Variants in SLIT2 observed in about 807,000 individuals in gnomAD.
SLIT2 encodes slit homolog 2 protein.
In SLIT2, 41 loss-of-function variants were observed where a neutral mutation model predicts 185.7. That is an observed-to-expected ratio of 0.22 (90% CI 0.17 to 0.29). SLIT2 has a LOEUF of 0.29. SLIT2 is among the 10% of genes least tolerant of loss of function. The probability of loss-of-function intolerance (pLI) is 1.00; values close to 1 mark genes in which losing one functional copy is unlikely to be tolerated. For missense variants in SLIT2, 1,571 were observed against 1,909.0 expected (o/e 0.82, Z 3.30); for synonymous variants, 693 against 680.2 (o/e 1.02, Z -0.29).
intron 3 of SLIT2, among the ~76,000 whole-genome samples, 166 bp from the exon 4 acceptor site, chr4:20,268,644 A>G (rs1713286041): frequency 6.6e-6 from 1 of 151,948 alleles, no homozygotes; most frequent in Admixed American, 6.6e-5. Context: ...GTAAAGAGTC[A>G]TGTAACAAAA....
rs1042582200 is a variant in SLIT2 at position 20,517,518 on chromosome 4, G to A, written c.1059-1864G>A. Among the ~76,000 whole-genome samples the A allele has an allele frequency of 3.9e-4, 58 of 149,390 alleles. 1 individual carries two copies. Among genetic ancestry groups the A allele is most frequent in the African/African-American group, 1.4e-3 (56 of 38,972 alleles). ...CTAATTCCCTTTCTACCTTGTTCTG[G>A]ACAATATAGAATCCTCTCTTTTGTT... On this transcript the variant is annotated intron_variant, in intron 11 of 36. Coordinates refer to ENST00000504154, the MANE Select transcript of SLIT2 (RefSeq NM_004787.4).
At chr4:20,293,924 T>G (rs1391539969) in intron 4 of SLIT2, among the ~76,000 whole-genome samples, 9 of 152,182 alleles carry the variant, frequency 5.9e-5, no homozygotes, top group Middle Eastern at 3.4e-3. Flanking sequence ...CCAATCCTTT[T>G]TTACTTTTTT....
rs555788373 is a variant in SLIT2, at chr4:20,490,951, A to C, written c.776-810A>C. The C allele has an allele frequency of 3.7e-4, 246 of 658,628 alleles. 1 individual carries two copies. The highest frequency in any genetic ancestry group is 9.8e-4 in the Middle Eastern group (4 of 4,072). 40.8% of individuals were successfully genotyped at this position (658,628 alleles called of 1,614,324 possible). The stretch of plus-strand genomic sequence containing the variant: ...CTAGGGCCCTTTCCTGGCAGGTTGG[A>C]AAGGGCAGTCCCCACTGTCTTCCAG... On this transcript the variant is annotated intron_variant, in intron 8 of 36. Coordinates refer to ENST00000504154, the MANE Select transcript of SLIT2 (RefSeq NM_004787.4).
At position 20,260,303 on chromosome 4, in the gene SLIT2, A is replaced by G. The variant is rs1158402451; in HGVS notation, c.323+2364A>G. Among the ~76,000 whole-genome samples, 4 of 151,742 alleles carry G rather than the reference A, an allele frequency of 2.6e-5. No individual in the cohort carries two copies. In the East Asian group the frequency reaches 5.8e-4, roughly 22 times the overall value. On this transcript the variant is annotated intron_variant, in intron 3 of 36. Coordinates refer to ENST00000504154, the MANE Select transcript of SLIT2 (RefSeq NM_004787.4). ...GAAGAAATCAATAAATTAGCTTTTT[A>G]TTATGTATTGTGTAAATTTATATGG...
chr4:20,366,382 A>G (rs1426659624), intron 4 of SLIT2, among the ~76,000 whole-genome samples: 2 of 152,136 alleles, frequency 1.3e-5, no homozygotes, highest in African/African-American at 4.8e-5. Context: ...ATGTTTCTGG[A>G]AGGAATATGA....
At chr4:20,594,874 C>T (rs936584134) in intron 30 of SLIT2, among the ~76,000 whole-genome samples, 3 of 152,176 alleles carry the variant, frequency 2.0e-5, no homozygotes, top group African/African-American at 7.2e-5. Context: ...TTAGTCTCCT[C>T]ACCTGTAGAG....
intron 4 of SLIT2, among the ~76,000 whole-genome samples, chr4:20,276,005 T>C (rs984445921): frequency 6.6e-6 from 1 of 152,120 alleles, no homozygotes; most frequent in African/African-American, 2.4e-5. Flanking sequence ...AAAAATTTTA[T>C]TTTTTAAAAT....
intron 4 of SLIT2, among the ~76,000 whole-genome samples, chr4:20,401,574 A>G (rs1027401457): frequency 6.6e-5 from 10 of 151,802 alleles, no homozygotes; most frequent in African/African-American, 2.2e-4. Flanking sequence ...CTGGGTGGGT[A>G]GGTTCACTTA....
At chr4:20,394,993 C>T (rs1253432722) in intron 4 of SLIT2, 1 of 151,860 alleles carries the variant, frequency 6.6e-6, no homozygotes, top group Non-Finnish European at 1.5e-5. Flanking sequence ...GGACAGTAAG[C>T]CGTGATGACT....
At chr4:20,592,299 T>C (rs143848175) in intron 30 of SLIT2, among the ~76,000 whole-genome samples, 186 of 152,352 alleles carry the variant, frequency 1.2e-3, no homozygotes, top group African/African-American at 4.2e-3. Context: ...GACTATGATA[T>C]GCCATAAGCA....
chr4:20,454,527 A>G lies in SLIT2; in HGVS notation c.396-13225A>G, dbSNP rs573704785. ...AAAATCTGGCAAATACTCATTTATC[A>G]TTACTCAGTAGTTTCCAAAGTACTC... On this transcript the variant is annotated intron_variant, in intron 4 of 36. Coordinates refer to ENST00000504154, the MANE Select transcript of SLIT2 (RefSeq NM_004787.4). Among the ~76,000 whole-genome samples, 8 of 152,290 alleles carry G rather than the reference A, an allele frequency of 5.3e-5. No individual in the cohort carries two copies. The South Asian group carries it at 8.3e-4, about 16-fold the overall frequency.
chr4:20,431,163 A>G (rs953677628), intron 4 of SLIT2, among the ~76,000 whole-genome samples: 1 of 152,216 alleles, frequency 6.6e-6, no homozygotes, highest in Non-Finnish European at 1.5e-5. Context: ...CTCATATCGT[A>G]TCTTCTTCAA....
chr4:20,306,021 A>G (rs2109119410), intron 4 of SLIT2, among the ~76,000 whole-genome samples: 2 of 152,166 alleles, frequency 1.3e-5, no homozygotes, highest in East Asian at 3.9e-4. Context: ...TAATTCTTAC[A>G]TCTTCATTGC....
chr4:20,400,182 A>G (rs1383604936), intron 4 of SLIT2, among the ~76,000 whole-genome samples: 1 of 151,828 alleles, frequency 6.6e-6, no homozygotes, highest in East Asian at 1.9e-4. Flanking sequence ...GAGCATATGT[A>G]TAAATCCTAT....
chr4:20,350,541 A>G (rs1165158222), intron 4 of SLIT2, among the ~76,000 whole-genome samples: 1 of 152,194 alleles, frequency 6.6e-6, no homozygotes, highest in East Asian at 1.9e-4. Context: ...ATTTTGCAGA[A>G]TAATATGTAA....
intron 4 of SLIT2, among the ~76,000 whole-genome samples, chr4:20,326,756 T>TC (rs2109185598): frequency 6.7e-6 from 1 of 148,832 alleles, no homozygotes; most frequent in South Asian, 2.1e-4. Context: ...CTTTTTTTTT[T>TC]TTTTTTTTTT....
At chr4:20,551,136 C>G (rs1366252591) in intron 25 of SLIT2, among the ~76,000 whole-genome samples, 2 of 152,178 alleles carry the variant, frequency 1.3e-5, no homozygotes, top group East Asian at 3.8e-4. Context: ...AAACATGTCT[C>G]TTCTACAAAT....
At chr4:20,596,790 T>C (rs1728014062) in intron 32 of SLIT2, 135 bp downstream of exon 32, 3 of 761,436 alleles carry the variant, frequency 3.9e-6, no homozygotes, top group South Asian at 4.3e-5. Context: ...GCTCCTTGTG[T>C]GGACAGCGTT....
intron 4 of SLIT2, among the ~76,000 whole-genome samples, chr4:20,394,301 G>A (rs1012527358): frequency 4.0e-5 from 6 of 151,856 alleles, no homozygotes; most frequent in African/African-American, 9.7e-5. Context: ...TCATTTTGTC[G>A]TTTAAAAAAA....
Sources: allele counts gnomAD v4.1 joint callset (sites outside exome capture counted in the v4.1 genomes callset), GRCh38; gene constraint gnomAD v4.1.1; transcripts MANE v1.5; gene names NCBI Gene and HGNC (gene_info 2026-07-23, HGNC 2026-07-21).